The following MAP3K15 variants were observed in gnomAD, a reference collection of about 807,000 sequenced individuals.
MAP3K15 encodes the protein MAPK/ERK kinase kinase 15.
MAP3K15 carries 124 observed loss-of-function variants against 99.5 expected under a neutral mutation model. The observed-to-expected ratio is 1.25, with a 90% CI of 1.08 to 1.45. The LOEUF is 1.45. Among genes scored for constraint, MAP3K15 ranks in the 40% most tolerant of loss-of-function variants. The probability of loss-of-function intolerance (pLI) is 0.00; values close to 1 mark genes in which losing one functional copy is unlikely to be tolerated. For synonymous variants in MAP3K15, 494 were observed against 439.6 expected (o/e 1.12, Z -1.55); for missense variants, 1,242 against 1,079.7 (o/e 1.15, Z -2.11).
At chrX:19,502,060 T>C (rs1214527036) in intron 1 of MAP3K15, among the ~76,000 whole-genome samples, 1 of 112,142 alleles carries the variant, frequency 8.9e-6, no homozygotes, top group African/African-American at 3.2e-5. Flanking sequence ...AGACTCAGTC[T>C]CAAAAAGTAA....
chrX:19,429,377 C>T (rs887191384), intron 7 of MAP3K15, among the ~76,000 whole-genome samples: 18 of 110,339 alleles, frequency 1.6e-4, no homozygotes, highest in African/African-American at 5.6e-4. Context: ...GACTGGCAAG[C>T]AGTGAAAGAA....
At chrX:19,502,155 C>A (rs966856598) in intron 1 of MAP3K15, among the ~76,000 whole-genome samples, 4 of 109,854 alleles carry the variant, frequency 3.6e-5, no homozygotes, top group Admixed American at 9.8e-5. Context: ...GGAGGGGAGT[C>A]CATGCAGGCT....
rs2063355589 is a variant in MAP3K15, at chrX:19,369,059, G to T, written c.3561C>A (p.Thr1187=). 8.4e-7 allele frequency: 1 copy of T among 1,196,311 alleles called. No individual in the cohort carries two copies. Among genetic ancestry groups the T allele is most frequent in the African/African-American group, 1.7e-5 (1 of 57,291 alleles). ...AGGGCCCAGAAGCTCCTCACCTGTTGGTCTCCTGTCTGAGCTCACCCAGCT... is the reference window on the plus strand; with the variant it reads ...AGGGCCCAGAAGCTCCTCACCTGTTTGTCTCCTGTCTGAGCTCACCCAGCT... ...SLQLGELRQE[T]NRLLEHLVEK... The change falls in exon 25 of 29, where the codon ACC becomes ACA. Residue 1187 remains threonine (T), a synonymous_variant. Coordinates refer to ENST00000338883, the MANE Select transcript of MAP3K15 (RefSeq NM_001001671.4).
At chrX:19,441,867 G>A (rs973416969) in intron 6 of MAP3K15, among the ~76,000 whole-genome samples, 2 of 112,014 alleles carry the variant, frequency 1.8e-5, no homozygotes, top group East Asian at 2.8e-4. Flanking sequence ...TCATCTGGCT[G>A]AAAGGAGATC....
At chrX:19,413,169 T>C (rs59925745) in intron 11 of MAP3K15, among the ~76,000 whole-genome samples, 188 bp downstream of exon 11, 9 of 104,636 alleles carry the variant, frequency 8.6e-5, no homozygotes, top group African/African-American at 3.2e-4. Flanking sequence ...CCTCACCACA[T>C]GCCCACACAC....
intron 6 of MAP3K15, among the ~76,000 whole-genome samples, chrX:19,444,472 C>A (rs1250346962): frequency 9.0e-6 from 1 of 111,707 alleles, no homozygotes; most frequent in Admixed American, 9.5e-5. Context: ...ACTTTTCTAC[C>A]TGCTCAGAAC....
chrX:19,493,656 T>C (rs1193613116), intron 1 of MAP3K15, among the ~76,000 whole-genome samples: 1 of 111,927 alleles, frequency 8.9e-6, no homozygotes, highest in East Asian at 2.8e-4. Flanking sequence ...ATCACCGTGG[T>C]CACATGCTTT....
chrX:19,495,541 G>A (rs2064395284), intron 1 of MAP3K15, among the ~76,000 whole-genome samples: 2 of 110,934 alleles, frequency 1.8e-5, no homozygotes, highest in Non-Finnish European at 3.8e-5. Context: ...ATGACTGAAA[G>A]TAAATCTTTT....
At chrX:19,385,260 A>T (rs1348291465) in intron 18 of MAP3K15, among the ~76,000 whole-genome samples, 1 of 111,579 alleles carries the variant, frequency 9.0e-6, no homozygotes, top group African/African-American at 3.3e-5. Flanking sequence ...ATCAGTTTCC[A>T]AGCTCACTAA....
intron 9 of MAP3K15, among the ~76,000 whole-genome samples, chrX:19,417,520 T>C (rs2063746299): frequency 9.0e-6 from 1 of 111,600 alleles, no homozygotes; most frequent in South Asian, 3.8e-4. Context: ...TGCCGAGGCT[T>C]GAGTAGGTAA....
At chrX:19,460,395 A>C (rs1194014909) in intron 4 of MAP3K15, among the ~76,000 whole-genome samples, 1 of 111,998 alleles carries the variant, frequency 8.9e-6, no homozygotes, top group African/African-American at 3.2e-5. Context: ...GGTGACTCCC[A>C]TCTGTACTTG....
intron 2 of MAP3K15, among the ~76,000 whole-genome samples, chrX:19,486,916 C>T (rs2064330374): frequency 9.0e-6 from 1 of 110,992 alleles, no homozygotes; most frequent in Non-Finnish European, 1.9e-5. Flanking sequence ...CGTGCTATCC[C>T]CGGATCTGGA....
chrX:19,387,257 G>C (rs111890071), intron 18 of MAP3K15, among the ~76,000 whole-genome samples: 1,697 of 111,783 alleles, frequency 0.015, 29 homozygotes, highest in African/African-American at 0.051. Flanking sequence ...GCAGACAGGG[G>C]GCTGTAAGGT....
At chrX:19,499,725 C>G in intron 1 of MAP3K15, among the ~76,000 whole-genome samples, 2 of 111,813 alleles carry the variant, frequency 1.8e-5, no homozygotes, top group Admixed American at 1.9e-4. Context: ...AGATGAAGCT[C>G]TAGGAAAGGC....
intron 9 of MAP3K15, among the ~76,000 whole-genome samples, chrX:19,417,181 G>A (rs1379754141): frequency 4.5e-5 from 5 of 112,238 alleles, no homozygotes; most frequent in Non-Finnish European, 7.5e-5. Context: ...TCACTGGGGA[G>A]TGTTGGAAAG....
intron 1 of MAP3K15, among the ~76,000 whole-genome samples, chrX:19,495,480 G>C (rs903023226): frequency 5.4e-5 from 6 of 111,310 alleles, no homozygotes; most frequent in African/African-American, 1.6e-4. Context: ...AGGACATCAG[G>C]AAACTACCTG....
intron 11 of MAP3K15, 65 bp downstream of exon 11, chrX:19,413,292 A>G (rs1233317496): frequency 3.5e-6 from 3 of 853,757 alleles, no homozygotes; most frequent in African/African-American, 2.0e-5. Flanking sequence ...TTTTCCTTCA[A>G]ATACTACCAT....
intron 5 of MAP3K15, among the ~76,000 whole-genome samples, chrX:19,458,752 G>A (rs1189210343): frequency 8.9e-6 from 1 of 111,833 alleles, no homozygotes; most frequent in Non-Finnish European, 1.9e-5. Context: ...TTATCACCAG[G>A]GGCAGGAGTT....
chrX:19,501,049 G>A, intron 1 of MAP3K15, among the ~76,000 whole-genome samples: 1 of 111,658 alleles, frequency 9.0e-6, no homozygotes, highest in East Asian at 2.8e-4. Flanking sequence ...ACTAACAGCA[G>A]CATGGAAACG....
Sources: gnomAD v4.1 joint callset for allele counts (sites outside exome capture counted in the v4.1 genomes callset) on GRCh38, gnomAD v4.1.1 for gene constraint, MANE v1.5 for transcripts, NCBI Gene and HGNC (gene_info 2026-07-23, HGNC 2026-07-21) for gene names.